TSHZ2: variants seen among roughly 807,000 people sequenced by gnomAD.
TSHZ2 encodes the protein teashirt zinc finger homeobox 2.
A neutral mutation model predicts 74.4 loss-of-function variants in TSHZ2; 21 were observed. The ratio of observed to expected loss-of-function variants is 0.28; its 90% CI spans 0.20 to 0.41. The LOEUF (loss-of-function observed/expected upper bound fraction) is 0.41. Ranked by LOEUF, TSHZ2 falls within the 10% of genes least tolerant of loss-of-function variation. The pLI is 1.00. For missense variants in TSHZ2, 1,244 were observed against 1,293.5 expected (o/e 0.96, Z 0.59); for synonymous variants, 540 against 515.3 (o/e 1.05, Z -0.65).
intron 1 of TSHZ2, among the ~76,000 whole-genome samples, chr20:53,165,279 T>G (rs547680509): frequency 6.6e-6 from 1 of 152,316 alleles, no homozygotes; most frequent in East Asian, 1.9e-4. Flanking sequence ...TGTCACTAAT[T>G]TTTCCTGTCT....
At chr20:53,340,581 G>A (rs1980157551) in intron 2 of TSHZ2, among the ~76,000 whole-genome samples, 1 of 152,176 alleles carries the variant, frequency 6.6e-6, no homozygotes, top group Non-Finnish European at 1.5e-5. Flanking sequence ...TATTTCCAAA[G>A]ACAAAGAAAC....
chr20:53,189,917 C>G (rs1318053850), intron 1 of TSHZ2, among the ~76,000 whole-genome samples: 1 of 150,404 alleles, frequency 6.6e-6, no homozygotes, highest in African/African-American at 2.4e-5. Context: ...AACCTCATGT[C>G]TACGAAAAAT....
chr20:53,038,257 T>C (rs1983901042), intron 1 of TSHZ2, among the ~76,000 whole-genome samples: 1 of 145,316 alleles, frequency 6.9e-6, no homozygotes, highest in African/African-American at 2.5e-5. Context: ...ATTTGAATGT[T>C]GTACTTGAAA....
intron 2 of TSHZ2, among the ~76,000 whole-genome samples, chr20:53,348,453 T>G (rs73913703): frequency 0.013 from 2,046 of 151,892 alleles, 38 homozygotes; most frequent in African/African-American, 0.048. Context: ...GTAAATGAAT[T>G]GAGGATAGTC....
rs1256587524 is a variant in TSHZ2 at position 53,256,614 on chromosome 20, G to A, written c.*8+43G>A. ...GGCATTGCGATTAGCCTGGTGAGGAGCTTTCTTACAGGGAGATGGGTCTGC... is the reference window on the plus strand; with the variant it reads ...GGCATTGCGATTAGCCTGGTGAGGAACTTTCTTACAGGGAGATGGGTCTGC... On this transcript the variant is annotated intron_variant, in intron 2 of 2. Transcript: ENST00000371497. This position sits in a 1 kb window ranked among gnomAD's most constrained non-coding sequence, Gnocchi z 4.3. 2.6e-6 allele frequency: 4 copies of A among 1,521,080 alleles called. 1 individual carries two copies. The South Asian group carries it at 4.0e-5, about 15-fold the overall frequency. The allele number at this position is 1,521,080 out of a possible 1,614,324, so 94.2% of individuals were successfully genotyped here. A position where few individuals can be genotyped will look rare whatever the true frequency, so the allele number is the denominator to read the frequency against.
At chr20:53,321,409 G>A (rs1354403453) in intron 2 of TSHZ2, among the ~76,000 whole-genome samples, 1 of 152,112 alleles carries the variant, frequency 6.6e-6, no homozygotes, top group Non-Finnish European at 1.5e-5. Flanking sequence ...TTCCTTGTCA[G>A]GTGCGGTGGC....
At chr20:53,447,150 A>C (rs921048189) in intron 2 of TSHZ2, among the ~76,000 whole-genome samples, 1 of 152,216 alleles carries the variant, frequency 6.6e-6, no homozygotes, top group South Asian at 2.1e-4. Flanking sequence ...ACAGGAAATT[A>C]GATGCCAATC....
intron 1 of TSHZ2, among the ~76,000 whole-genome samples, chr20:53,152,978 T>C (rs1987708660): frequency 6.6e-6 from 1 of 152,058 alleles, no homozygotes; most frequent in Non-Finnish European, 1.5e-5. Flanking sequence ...GACAGAGGAA[T>C]GAGTAGAGGG....
intron 1 of TSHZ2, among the ~76,000 whole-genome samples, chr20:53,049,816 T>C (rs1568736005): frequency 1.3e-5 from 2 of 152,052 alleles, no homozygotes; most frequent in Non-Finnish European, 2.9e-5. Context: ...GGGCAGTGGC[T>C]CACGCCTGTA....
chr20:52,988,765 A>G (rs1017228501), intron 1 of TSHZ2, among the ~76,000 whole-genome samples: 1 of 151,768 alleles, frequency 6.6e-6, no homozygotes, highest in Non-Finnish European at 1.5e-5. Context: ...AATCATGAAA[A>G]CCCCCAACAC....
chr20:53,295,890 T>C (rs1991369345), intron 2 of TSHZ2, among the ~76,000 whole-genome samples: 1 of 152,188 alleles, frequency 6.6e-6, no homozygotes, highest in Admixed American at 6.5e-5. Context: ...TTTCACTTTA[T>C]AGTTCTGTGT....
At chr20:53,148,087 G>A (rs1987588186) in intron 1 of TSHZ2, among the ~76,000 whole-genome samples, 1 of 152,212 alleles carries the variant, frequency 6.6e-6, no homozygotes, top group African/African-American at 2.4e-5. Context: ...GCACAAACCT[G>A]ATAAATACAA....
intron 2 of TSHZ2, among the ~76,000 whole-genome samples, chr20:53,364,438 C>T (rs1321279419): frequency 6.6e-6 from 1 of 151,872 alleles, no homozygotes; most frequent in Admixed American, 6.6e-5. Context: ...CCCCATGCCT[C>T]CCCTGAAGCC....
intron 2 of TSHZ2, among the ~76,000 whole-genome samples, chr20:53,395,432 T>C (rs1213226336): frequency 2.0e-5 from 3 of 152,250 alleles, no homozygotes; most frequent in Non-Finnish European, 4.4e-5. Context: ...GTTTATTTCC[T>C]GTCTGGGACA....
intron 2 of TSHZ2, among the ~76,000 whole-genome samples, chr20:53,393,744 G>A (rs980426456): frequency 4.0e-5 from 6 of 151,672 alleles, no homozygotes; most frequent in African/African-American, 9.7e-5. Context: ...TACCAATGTC[G>A]GTATCCCGGC....
intron 1 of TSHZ2, among the ~76,000 whole-genome samples, chr20:53,035,159 G>A (rs1461599334): frequency 2.0e-5 from 3 of 152,188 alleles, no homozygotes; most frequent in Non-Finnish European, 4.4e-5. Context: ...ACGACTACAA[G>A]CCTGGAAGCC....
At position 53,190,495 on chromosome 20, in the gene TSHZ2, C is replaced by T. The variant is rs1228654371; in HGVS notation, c.41-63004C>T. Among the ~76,000 whole-genome samples, 3 of 151,972 alleles carry T rather than the reference C, an allele frequency of 2.0e-5. No homozygotes were observed. In the South Asian group the frequency reaches 6.2e-4, roughly 31 times the overall value. ...GAAAATGGAGTAGAGAGCCCCAATC[C>T]GTGTGCAGAGGTGCCGTTTTCAACA... On this transcript the variant is annotated intron_variant, in intron 1 of 2. Transcript: ENST00000371497.
At chr20:53,342,497 G>A (rs943873261) in intron 2 of TSHZ2, among the ~76,000 whole-genome samples, 1 of 152,028 alleles carries the variant, frequency 6.6e-6, no homozygotes, top group Non-Finnish European at 1.5e-5. Flanking sequence ...TCCACTGGGG[G>A]CAATGATTCC....
At chr20:53,058,570 A>C (rs908987873) in intron 1 of TSHZ2, among the ~76,000 whole-genome samples, 1 of 152,134 alleles carries the variant, frequency 6.6e-6, no homozygotes, top group Non-Finnish European at 1.5e-5. Flanking sequence ...CATGAAGCTG[A>C]CCCCGTTAGT....
Sources: gnomAD v4.1 joint callset for allele counts (sites outside exome capture counted in the v4.1 genomes callset) on GRCh38, gnomAD v4.1.1 for gene constraint, Gnocchi (gnomAD v3.1) non-coding constraint, MANE v1.5 for transcripts, NCBI Gene and HGNC (gene_info 2026-07-23, HGNC 2026-07-21) for gene names.